The following MCM3AP variants were observed in gnomAD, a reference collection of about 807,000 sequenced individuals.
MCM3AP encodes the protein minichromosome maintenance complex component 3 associated protein.
A neutral mutation model predicts 184.1 loss-of-function variants in MCM3AP; 126 were observed. The ratio of observed to expected loss-of-function variants is 0.68; its 90% CI spans 0.59 to 0.79. The LOEUF (loss-of-function observed/expected upper bound fraction) is 0.79. MCM3AP is among the 30% of genes least tolerant of loss of function. MCM3AP has a pLI of 0.00. For synonymous variants in MCM3AP, 1,002 were observed against 979.3 expected, an observed-to-expected ratio of 1.02 and a Z score of -0.43; for missense variants, 2,496 against 2,479.2, an observed-to-expected ratio of 1.01 and a Z score of -0.14.
rs1013584004 is a variant in MCM3AP, at chr21:46,277,494, G to C, written c.1858+33C>G. ...GGCACCCAAGATGACGACCTCACCA[G>C]GCCCCTAGAACCTCTGCCACCAAGT... On this transcript the variant is annotated intron_variant, in intron 5 of 27. Transcript: ENST00000291688. The C allele has an allele frequency of 2.0e-6, 3 of 1,484,666 alleles. No individual in the cohort carries two copies. The African/African-American group carries it at 4.3e-5, about 21-fold the overall frequency. The allele number at this position is 1,484,666 out of a possible 1,614,324, so 92.0% of individuals were successfully genotyped here.
chr21:46,283,620 C>A lies in MCM3AP; in HGVS notation c.1438G>T (p.Asp480Tyr). 6.2e-7 allele frequency: 1 copy of A among 1,611,286 alleles called. No individual in the cohort carries two copies. The highest frequency in any genetic ancestry group is 1.1e-5 in the South Asian group (1 of 90,954). The change falls in exon 2 of 28, where the codon GAT (aspartate) becomes TAT (tyrosine). Residue 480 changes from aspartate (D) to tyrosine (Y), a missense_variant. By Grantham distance (160) the Asp-to-Tyr change is radical. This residue lies in a region of MCM3AP where 800 missense variants were observed against 717.1 expected (regional missense o/e 1.12). Transcript: ENST00000291688. ...SKKLAVVHFF[D>Y]HASAALARKK... is the part of the protein sequence containing the mutation. ...GGCAAGATGGGAGTACTCACATGAT[C>A]AAAGAAATGTACCACTGCAAGCTTT...
At chr21:46,237,368 G>A (rs953744984) in intron 26 of MCM3AP, among the ~76,000 whole-genome samples, 15 of 151,966 alleles carry the variant, frequency 9.9e-5, no homozygotes, top group Admixed American at 8.5e-4. Context: ...CTCCCAAAGT[G>A]CTGGGATTAC....
Position 46,254,389 on chromosome 21 carries a change from G to A in MCM3AP, c.4136+3C>T. The A allele has an allele frequency of 6.8e-6, 11 of 1,612,884 alleles. No individual in the cohort carries two copies. The highest frequency in any genetic ancestry group is 8.5e-6 in the Non-Finnish European group (10 of 1,179,750). On this transcript the variant is annotated splice_donor_region_variant and intron_variant, in intron 19 of 27. Coordinates refer to ENST00000291688, the MANE Select transcript of MCM3AP (RefSeq NM_003906.5). ...AACCCCACAGGGGAAAACCCTTCCTGACCTGCCACAACTCTCTGGGGACTG... is the reference window on the plus strand; with the variant it reads ...AACCCCACAGGGGAAAACCCTTCCTAACCTGCCACAACTCTCTGGGGACTG...
In MCM3AP at chr21:46,272,568, T is replaced by A; in HGVS notation, c.2458A>T (p.Ile820Phe). 6.2e-7 allele frequency: 1 copy of A among 1,613,294 alleles called. No individual in the cohort carries two copies. ...NVLLSLNKGD[I>F]LREVQQFHPA... ...TTGGATGTGAAAATTCACCTTAGGA[T>A]GTCTCCCTTGTTGAGACTGAGCAGA... The change falls in exon 8 of 28, where the codon ATC (isoleucine) becomes TTC (phenylalanine). Residue 820 changes from isoleucine (I) to phenylalanine (F), a missense_variant. Around this residue, in one of 5 missense-constraint regions of MCM3AP, gnomAD observed 138 missense variants for 191.9 expected, o/e 0.72. Transcript: ENST00000291688.
At chr21:46,242,478 A>T (rs1180665727) in intron 25 of MCM3AP, 1 of 179,550 alleles carries the variant, frequency 5.6e-6, no homozygotes, top group Non-Finnish European at 1.2e-5. Flanking sequence ...TTTCACTGTT[A>T]TTGTTTATCC....
chr21:46,266,293 A>AC, intron 10 of MCM3AP, 127 bp from the exon 11 acceptor site: 1 of 1,085,708 alleles, frequency 9.2e-7, no homozygotes, highest in Non-Finnish European at 1.3e-6. Flanking sequence ...AACAGAAAGC[A>AC]CAGGCGCCAG....
chr21:46,262,335 G>A (rs535576835), intron 13 of MCM3AP, among the ~76,000 whole-genome samples: 5 of 152,268 alleles, frequency 3.3e-5, no homozygotes, highest in Admixed American at 3.3e-4. Flanking sequence ...ACCAAAGACA[G>A]ACCAAAGACA....
Position 46,283,657 on chromosome 21 carries a change from G to C in MCM3AP, c.1401C>G (p.Thr467=), listed in dbSNP as rs752516320. ...GKIAKVQRIF[T]RRSKKLAVVH... ...CCACTGCAAGCTTTTTGCTGCGCCTGGTAAAGATGCGCTGCACTTTAGCAA... is the reference window on the plus strand; with the variant it reads ...CCACTGCAAGCTTTTTGCTGCGCCTCGTAAAGATGCGCTGCACTTTAGCAA... The change falls in exon 2 of 28, where the codon ACC becomes ACG. Residue 467 remains threonine (T), a synonymous_variant. Transcript: ENST00000291688. 10 of 1,613,982 alleles carry C rather than the reference G, an allele frequency of 6.2e-6. No homozygotes were observed. The highest frequency in any genetic ancestry group is 1.7e-6 in the Non-Finnish European group (2 of 1,179,932).
At chr21:46,244,608 C>T (rs764295759) in intron 23 of MCM3AP, 199 bp downstream of exon 23, 19 of 622,014 alleles carry the variant, frequency 3.1e-5, no homozygotes, top group Admixed American at 1.2e-4. Flanking sequence ...GCCCCCACTC[C>T]ACAAAACCCA....
In MCM3AP at chr21:46,238,822, GCTA is replaced by G. The variant is rs1601477234; in HGVS notation, c.5634-1846_5634-1844del. ...CATATTCATTAAGCCTCCTCCAGAT[GCTA>G]GGCATCATTCTAGGTACAAGGAATA... On this transcript the variant is annotated intron_variant, in intron 26 of 27. Transcript: ENST00000291688. Among the ~76,000 whole-genome samples the G allele has an allele frequency of 2.6e-5, 4 of 152,204 alleles. No individual in the cohort carries two copies. In the East Asian group the frequency reaches 7.7e-4, roughly 29 times the overall value.
rs571661343 is a variant in MCM3AP, at chr21:46,242,928, G to A, written c.5300C>T (p.Ala1767Val). The change falls in exon 25 of 28, where the codon GCG becomes GTG. Residue 1767 changes from alanine (A) to valine (V), a missense_variant. By Grantham distance (64) the Ala-to-Val change is moderately conservative. Transcript: ENST00000291688. ...ACATATCTGACCATCTTCACTCAGC[G>A]CCTCTGAGAAAACAATACAAAAACA... ...TPPRLPVTSE[A>V]LSEDGQICVY... 3.4e-5 allele frequency: 55 copies of A among 1,599,724 alleles called. No individual in the cohort carries two copies. In the South Asian group the frequency reaches 3.5e-4, roughly 10 times the overall value.
chr21:46,260,898 T>C lies in MCM3AP; in HGVS notation c.3476A>G (p.Gln1159Arg), dbSNP rs776875078. Residue 1159 changes from glutamine (Q) to arginine (R), a missense_variant, in exon 15 of 28, where the codon CAA (glutamine) becomes CGA (arginine). Gln to Arg is a conservative substitution (Grantham distance 43). Coordinates refer to ENST00000291688, the MANE Select transcript of MCM3AP (RefSeq NM_003906.5). ...RQRAEEERLK[Q>R]ERELVLSELS... ...CTCACTTAACACCAGCTCTCTCTCT[T>C]GTTTCAACCTACAGGGAAGAGAAAA... 3.7e-6 allele frequency: 6 copies of C among 1,609,808 alleles called. No homozygotes were observed. The South Asian group carries it at 5.5e-5, about 15-fold the overall frequency.
Position 46,273,445 on chromosome 21 carries a change from C to T in MCM3AP, c.2139G>A (p.Glu713=). 11 of 1,614,026 alleles carry T rather than the reference C, an allele frequency of 6.8e-6. No individual in the cohort carries two copies. The highest frequency in any genetic ancestry group is 1.1e-5 in the South Asian group (1 of 91,074). Residue 713 remains glutamate, a synonymous_variant, in exon 7 of 28, where the codon GAG becomes GAA. Coordinates refer to ENST00000291688, the MANE Select transcript of MCM3AP (RefSeq NM_003906.5). ...AGTCATACCAATCCCGCAGGCTGCC[C>T]TCCTTCTGGTCCATGATCTGGGTCA... ...YLVTQIMDQK[E]GSLRDWYDFV...
At chr21:46,269,755 C>T (rs1042909043) in intron 9 of MCM3AP, among the ~76,000 whole-genome samples, 5 of 152,240 alleles carry the variant, frequency 3.3e-5, no homozygotes, top group African/African-American at 1.2e-4. Context: ...TGAGGTGGCG[C>T]TCTGTGCGGT....
At chr21:46,258,903 G>A (rs917940001) in intron 16 of MCM3AP, 36 bp downstream of exon 16, 1 of 1,611,522 alleles carries the variant, frequency 6.2e-7, no homozygotes, top group Admixed American at 1.7e-5. Context: ...TCTTCCCCGT[G>A]TGTGTGGATT....
rs201541920 is a variant in MCM3AP, at chr21:46,284,903, T to C, written c.384A>G (p.Gly128=). Residue 128 remains glycine, a synonymous_variant, in exon 1 of 28, where the codon GGA becomes GGG. Transcript: ENST00000291688. Reference sequence around the variant, plus strand: ...AGTTCACTATTTCTCCAGCTTCTTGTCCAAAAGCAGAAGTGCTTGGGAAAG... The same window carrying C: ...AGTTCACTATTTCTCCAGCTTCTTGCCCAAAAGCAGAAGTGCTTGGGAAAG... ...VGAFPSTSAF[G]QEAGEIVNSG... The C allele has an allele frequency of 8.7e-6, 14 of 1,614,076 alleles. No homozygotes were observed. Among genetic ancestry groups the C allele is most frequent in the Non-Finnish European group, 1.2e-5 (14 of 1,180,048 alleles).
rs1433983939 is a variant in MCM3AP at position 46,272,658 on chromosome 21, A to T, written c.2368T>A (p.Tyr790Asn). ...ACACCCTTGTTTCTCAGGTCCTGGT[A>T]CATCTCCTTCAGGCTCTGCAGGCAC... ...TKCLQSLKEM[Y>N]QDLRNKGVFC... Residue 790 changes from tyrosine to asparagine, a missense_variant, in exon 8 of 28, where the codon TAC becomes AAC. Transcript: ENST00000291688. The T allele has an allele frequency of 1.9e-6, 3 of 1,614,102 alleles. No homozygotes were observed. Among genetic ancestry groups the T allele is most frequent in the Non-Finnish European group, 2.5e-6 (3 of 1,180,048 alleles).
intron 16 of MCM3AP, among the ~76,000 whole-genome samples, chr21:46,258,735 GTA>G (rs1029309704): frequency 7.7e-5 from 10 of 130,046 alleles, no homozygotes; most frequent in Non-Finnish European, 1.4e-4. Context: ...CCCTTATATT[GTA>G]TGTGTGTGTG....
At chr21:46,283,100 T>A (rs905103348) in intron 2 of MCM3AP, among the ~76,000 whole-genome samples, 3 of 151,970 alleles carry the variant, frequency 2.0e-5, no homozygotes, top group African/African-American at 7.2e-5. Context: ...TAATTTTTTG[T>A]ATTTTTAGTA....
Sources: allele counts gnomAD v4.1 joint callset (sites outside exome capture counted in the v4.1 genomes callset), GRCh38; gene constraint gnomAD v4.1.1; regional missense constraint gnomAD v4.1.1; transcripts MANE v1.5; gene names NCBI Gene and HGNC (gene_info 2026-07-23, HGNC 2026-07-21).